Variants in DENND4C observed in about 807,000 individuals in gnomAD.
The protein encoded by DENND4C is DENN domain-containing protein 4C.
DENND4C carries 108 observed loss-of-function variants against 203.0 expected under a neutral mutation model. That is an observed-to-expected ratio of 0.53 (90% CI 0.46 to 0.62). The LOEUF is 0.62. DENND4C is among the 20% of genes least tolerant of loss of function. The pLI, the probability that DENND4C is intolerant of heterozygous loss-of-function variation, is 0.00. For missense variants in DENND4C, 2,481 were observed against 2,301.2 expected (o/e 1.08, Z -1.60); for synonymous variants, 871 against 792.4 (o/e 1.10, Z -1.67).
chr9:19,303,023 T>C (rs902107432), intron 9 of DENND4C, among the ~76,000 whole-genome samples: 4 of 152,094 alleles, frequency 2.6e-5, no homozygotes, highest in Admixed American at 1.3e-4. Flanking sequence ...ATAGCACTTA[T>C]TACTTTCTGA....
chr9:19,265,313 G>C (rs189728996), intron 1 of DENND4C, among the ~76,000 whole-genome samples: 31 of 151,992 alleles, frequency 2.0e-4, no homozygotes, highest in Non-Finnish European at 4.3e-4. Context: ...CACTGTGCTC[G>C]GCCAATTTTT....
At chr9:19,354,359 A>T (rs568105158) in intron 26 of DENND4C, among the ~76,000 whole-genome samples, 5 of 152,308 alleles carry the variant, frequency 3.3e-5, no homozygotes, top group African/African-American at 9.6e-5. Context: ...GATCATTTTC[A>T]TACATGATTT....
intron 1 of DENND4C, among the ~76,000 whole-genome samples, chr9:19,237,096 C>T (rs906188792): frequency 4.6e-5 from 7 of 152,208 alleles, no homozygotes; most frequent in African/African-American, 1.7e-4. Context: ...TCTCGGCTCA[C>T]TGCAGCCTCC....
chr9:19,298,912 G>T (rs1327015230), intron 7 of DENND4C, among the ~76,000 whole-genome samples: 2 of 152,102 alleles, frequency 1.3e-5, no homozygotes, highest in African/African-American at 4.8e-5. Context: ...ACAGTCTGTT[G>T]AGTAAATGAA....
At chr9:19,279,512 T>TA (rs1833601110) in intron 2 of DENND4C, among the ~76,000 whole-genome samples, 1 of 151,556 alleles carries the variant, frequency 6.6e-6, no homozygotes, top group African/African-American at 2.4e-5. Context: ...CCCTCTTTAC[T>TA]AAAAAAATAC....
At chr9:19,278,508 T>C (rs1287822175) in intron 2 of DENND4C, among the ~76,000 whole-genome samples, 1 of 152,112 alleles carries the variant, frequency 6.6e-6, no homozygotes, top group Non-Finnish European at 1.5e-5. Context: ...TCACCCACTC[T>C]TGTTGCATTA....
chr9:19,328,220 T>G, intron 16 of DENND4C, 58 bp downstream of exon 16: 1 of 1,471,918 alleles, frequency 6.8e-7, no homozygotes, highest in South Asian at 1.3e-5. Context: ...GTATATGTGA[T>G]ATGCAGCTCA....
intron 1 of DENND4C, among the ~76,000 whole-genome samples, chr9:19,273,239 C>G (rs1026257465): frequency 6.6e-6 from 1 of 151,932 alleles, no homozygotes; most frequent in African/African-American, 2.4e-5. Flanking sequence ...GCGTGAGCCA[C>G]TGCGCCTGGC....
intron 2 of DENND4C, among the ~76,000 whole-genome samples, chr9:19,284,250 G>C (rs1834756584): frequency 6.6e-6 from 1 of 152,110 alleles, no homozygotes; most frequent in Non-Finnish European, 1.5e-5. Context: ...TTTCACCTAA[G>C]AGTATATACT....
At chr9:19,289,376 T>C (rs1323284325) in intron 4 of DENND4C, among the ~76,000 whole-genome samples, 6 of 152,352 alleles carry the variant, frequency 3.9e-5, no homozygotes, top group Admixed American at 3.3e-4. Flanking sequence ...TTATGCACAG[T>C]TCTTGAAATA....
chr9:19,316,969 A>T (rs1841959654), intron 12 of DENND4C, 130 bp downstream of exon 12: 2 of 823,264 alleles, frequency 2.4e-6, no homozygotes, highest in African/African-American at 3.5e-5. Flanking sequence ...ACCTCCATGT[A>T]TTTGTAACCT....
At chr9:19,282,715 C>CTTTTTTTTTTTTTTTTTTTTTTT (rs1554717864) in intron 2 of DENND4C, among the ~76,000 whole-genome samples, 7 of 86,638 alleles carry the variant, frequency 8.1e-5, no homozygotes, top group African/African-American at 2.7e-4. Flanking sequence ...TTTCTTCTCT[C>CTTTTTTTTTTTTTTTTTTTTTTT]TTTTTTTTTT....
chr9:19,367,718 C>T (rs1176138077), intron 30 of DENND4C, among the ~76,000 whole-genome samples: 1 of 151,946 alleles, frequency 6.6e-6, no homozygotes, highest in Non-Finnish European at 1.5e-5. Flanking sequence ...CCAGCCTGGG[C>T]AACAGAGCGA....
chr9:19,371,516 G>T, intron 31 of DENND4C: 2 of 272,456 alleles, frequency 7.3e-6, no homozygotes, highest in Non-Finnish European at 1.4e-5. Context: ...CTTTAATTTG[G>T]AATAGAAACC....
chr9:19,279,948 G>A (rs554699921), intron 2 of DENND4C, among the ~76,000 whole-genome samples: 2 of 152,102 alleles, frequency 1.3e-5, no homozygotes, highest in Non-Finnish European at 2.9e-5. Flanking sequence ...TCCTCTCAGG[G>A]AATAACCTAG....
At chr9:19,317,181 CTT>C (rs11331413) in intron 12 of DENND4C, among the ~76,000 whole-genome samples, 2,439 of 126,880 alleles carry the variant, frequency 0.019, 56 homozygotes, top group African/African-American at 0.065. Flanking sequence ...GATTTGTACA[CTT>C]TTTTTTTTTT....
Position 19,305,400 on chromosome 9 carries a change from CT to C in DENND4C, c.1363del (p.Ser455HisfsTer13). 1 of 1,613,860 alleles carries C rather than the reference CT, an allele frequency of 6.2e-7. No individual in the cohort carries two copies. Among genetic ancestry groups the C allele is most frequent in the Non-Finnish European group, 8.5e-7 (1 of 1,179,860 alleles). On this transcript the variant is annotated frameshift_variant, in exon 10 of 33. Coordinates refer to ENST00000434457, the MANE Select transcript of DENND4C (RefSeq NM_001330640.2). LOFTEE classifies it high-confidence loss of function. The part of the protein sequence containing the change: ...WQCPYIPLCP[L>X]SLAAVLSAPL... ...ATGCCCATATATTCCCCTTTGTCCT[CT>C]TTCACTGGCTGCAGTGCTTAGTGCA... is the stretch of plus-strand genomic sequence containing the variant.
At chr9:19,330,024 C>T (rs1223440697) in intron 16 of DENND4C, among the ~76,000 whole-genome samples, 4 of 152,042 alleles carry the variant, frequency 2.6e-5, no homozygotes, top group African/African-American at 7.2e-5. Flanking sequence ...TGGGATAGTC[C>T]CCTAAATCCT....
intron 22 of DENND4C, 101 bp downstream of exon 22, chr9:19,342,880 A>G (rs1588956554): frequency 2.9e-6 from 3 of 1,017,552 alleles, no homozygotes; most frequent in Non-Finnish European, 3.9e-6. Context: ...TGTAATGAAC[A>G]TGCTAAAGAG....
Sources: gnomAD v4.1 joint callset for allele counts (sites outside exome capture counted in the v4.1 genomes callset) on GRCh38, gnomAD v4.1.1 for gene constraint, MANE v1.5 for transcripts, NCBI Gene and HGNC (gene_info 2026-07-23, HGNC 2026-07-21) for gene names.